The following GLB1 variants were observed in gnomAD, a reference collection of about 807,000 sequenced individuals.
GLB1 encodes the protein galactosidase beta 1, also known as beta-galactosidase.
In GLB1, 56 loss-of-function variants were observed where a neutral mutation model predicts 74.0. That is an observed-to-expected ratio of 0.76 (90% CI 0.61 to 0.94). The LOEUF is 0.94. GLB1 is among the 40% of genes least tolerant of loss of function. The pLI, the probability that GLB1 is intolerant of heterozygous loss-of-function variation, is 0.00. For missense variants in GLB1, 787 were observed against 845.5 expected (o/e 0.93, Z 0.86); for synonymous variants, 323 against 323.6 (o/e 1.00, Z 0.02).
intron 10 of GLB1, chr3:33,030,568 G>A (rs918154922): frequency 1.0e-6 from 1 of 985,400 alleles, no homozygotes; most frequent in Non-Finnish European, 1.2e-6. Context: ...CATAAACAGT[G>A]CAGGATGATC....
At chr3:33,012,171 C>T (rs978777943) in intron 15 of GLB1, among the ~76,000 whole-genome samples, 2 of 152,192 alleles carry the variant, frequency 1.3e-5, no homozygotes, top group Non-Finnish European at 2.9e-5. Flanking sequence ...ATCTATACAA[C>T]AATGATCTTC....
chr3:33,092,861 T>C, intron 1 of GLB1: 1 of 1,610,530 alleles, frequency 6.2e-7, no homozygotes, highest in Non-Finnish European at 8.5e-7. Context: ...GGATGAGCTC[T>C]GTGATCTCGG....
the GLB1 span, among the ~76,000 whole-genome samples, chr3:32,969,900 G>A: frequency 6.6e-6 from 1 of 152,206 alleles, no homozygotes; most frequent in Admixed American, 6.5e-5. Flanking sequence ...CTTGGCCCCC[G>A]GGAGTTCAGG....
intron 15 of GLB1, among the ~76,000 whole-genome samples, chr3:33,001,024 T>C (rs935873935): frequency 2.0e-5 from 3 of 152,150 alleles, no homozygotes; most frequent in Admixed American, 1.3e-4. Flanking sequence ...TCAAACCTCC[T>C]TCCTGTGGTC....
At chr3:33,033,385 A>G (rs976646869) in intron 10 of GLB1, among the ~76,000 whole-genome samples, 2 of 152,250 alleles carry the variant, frequency 1.3e-5, no homozygotes, top group Non-Finnish European at 2.9e-5. Context: ...TCAATACTAA[A>G]CAAATTTCAA....
At chr3:33,094,163 C>G in intron 1 of GLB1, 1 of 1,611,460 alleles carries the variant, frequency 6.2e-7, no homozygotes, top group Non-Finnish European at 8.5e-7. Flanking sequence ...GGGTGGCCTT[C>G]GCGCCTAGGG....
intron 6 of GLB1, 78 bp downstream of exon 6, chr3:33,058,011 T>A: frequency 1.3e-6 from 2 of 1,578,504 alleles, no homozygotes; most frequent in Non-Finnish European, 1.7e-6. Context: ...ATGACACTTA[T>A]AACAACAGCT....
chr3:33,031,066 G>A (rs750659073), intron 10 of GLB1, among the ~76,000 whole-genome samples: 10 of 152,128 alleles, frequency 6.6e-5, no homozygotes, highest in Non-Finnish European at 8.8e-5. Flanking sequence ...GAAGACAACC[G>A]CCTGGGGGCC....
chr3:33,063,307 A>C (rs1385249484), intron 5 of GLB1, among the ~76,000 whole-genome samples: 1 of 152,232 alleles, frequency 6.6e-6, no homozygotes, highest in African/African-American at 2.4e-5. Flanking sequence ...GAGCTTTGCT[A>C]TGGCTCCTGA....
In GLB1 at chr3:32,997,249, G is replaced by C. The variant is rs189054965; in HGVS notation, c.1830C>G (p.Thr610=). ...GCACGGTGATGGTGTTTGGGGCCGA[G>C]GTCATCAGGATGTGCTGGGGCACAA... is the stretch of plus-strand genomic sequence containing the variant. ...TLFVPQHILM[T]SAPNTITVLE... Residue 610 remains threonine (T), a synonymous_variant, in exon 16 of 16, where the codon ACC becomes ACG. Coordinates refer to ENST00000307363, the MANE Select transcript of GLB1 (RefSeq NM_000404.4). The C allele has an allele frequency of 1.5e-5, 24 of 1,614,216 alleles. No homozygotes were observed. In the East Asian group the frequency reaches 5.1e-4, roughly 34 times the overall value.
chr3:33,074,183 A>T (rs75581718), intron 1 of GLB1, among the ~76,000 whole-genome samples: 17 of 1,864 alleles, frequency 9.1e-3, no homozygotes, highest in Non-Finnish European at 5.5e-3. Context: ...ACCAAAAATT[A>T]AAAAAAAAAA....
intron 1 of GLB1, chr3:33,077,314 T>C (rs1330806139): frequency 2.6e-6 from 4 of 1,565,142 alleles, no homozygotes; most frequent in Non-Finnish European, 3.5e-6. Flanking sequence ...TTAAGAGGCA[T>C]ACACCACTTA....
chr3:32,994,512 A>G (rs538547031), downstream of GLB1, among the ~76,000 whole-genome samples: 2 of 152,374 alleles, frequency 1.3e-5, no homozygotes, highest in South Asian at 4.1e-4. Flanking sequence ...CTGAAGGCAC[A>G]TCTTATTTTA....
chr3:33,071,256 GGTTCACTCTGCCAGTGGCCT>G (rs377072015), intron 2 of GLB1, among the ~76,000 whole-genome samples: 201 of 152,274 alleles, frequency 1.3e-3, no homozygotes, highest in African/African-American at 4.7e-3. Flanking sequence ...GGTGAACTTG[GGTTCACTCTGCCAGTGGCCT>G]TAGAACCAGA....
In GLB1 at chr3:33,072,808, A is replaced by T. The variant is rs1439030462; in HGVS notation, c.76-95T>A. On this transcript the variant is annotated intron_variant, in intron 1 of 15. Coordinates refer to ENST00000307363, the MANE Select transcript of GLB1 (RefSeq NM_000404.4). ...TAGCAAGTGACTCTCTGCCTATTGAATTTGTATAATGTGCTGATGGACTTA... is the reference window on the plus strand; with the variant it reads ...TAGCAAGTGACTCTCTGCCTATTGATTTTGTATAATGTGCTGATGGACTTA... 6 of 1,555,320 alleles carry T rather than the reference A, an allele frequency of 3.9e-6. No individual in the cohort carries two copies. The Admixed American group carries it at 9.3e-5, about 24-fold the overall frequency.
At chr3:33,067,962 T>A in intron 4 of GLB1, among the ~76,000 whole-genome samples, 1 of 152,234 alleles carries the variant, frequency 6.6e-6, no homozygotes, top group East Asian at 1.9e-4. Flanking sequence ...CTCGGTTCAC[T>A]GCAACTTCCG....
chr3:33,089,102 CCTTAT>C (rs990577068), intron 1 of GLB1, among the ~76,000 whole-genome samples: 5 of 152,018 alleles, frequency 3.3e-5, no homozygotes, highest in African/African-American at 9.7e-5. Flanking sequence ...GAAGTTGGAC[CCTTAT>C]CTTATACCAT....
chr3:32,978,381 TAAAAAACAAAAA>T, the GLB1 span, among the ~76,000 whole-genome samples: 7 of 73,230 alleles, frequency 9.6e-5, no homozygotes, highest in Non-Finnish European at 2.5e-4. Context: ...GCATCAAAAT[TAAAAAACAAAAA>T]AAAAAACAAA....
At chr3:32,962,054 C>T in the GLB1 span, among the ~76,000 whole-genome samples, 1 of 152,090 alleles carries the variant, frequency 6.6e-6, no homozygotes, top group Non-Finnish European at 1.5e-5. Context: ...ATTAGCTGGG[C>T]ATGGTGGTGC....
Sources: allele counts gnomAD v4.1 joint callset (sites outside exome capture counted in the v4.1 genomes callset), GRCh38; gene constraint gnomAD v4.1.1; transcripts MANE v1.5; gene names NCBI Gene and HGNC (gene_info 2026-07-23, HGNC 2026-07-21).